MBD5: variants seen among roughly 807,000 people sequenced by gnomAD.
MBD5 encodes methyl-CpG binding domain protein 5.
MBD5 carries 13 observed loss-of-function variants against 117.3 expected under a neutral mutation model. The ratio of observed to expected loss-of-function variants is 0.11; its 90% CI spans 0.07 to 0.18. The LOEUF (loss-of-function observed/expected upper bound fraction) is 0.18, where lower values mean the gene tolerates loss of function less well. Ranked by LOEUF, MBD5 falls within the 10% of genes least tolerant of loss-of-function variation. MBD5 has a pLI of 1.00. For synonymous variants in MBD5, 727 were observed against 766.4 expected, an observed-to-expected ratio of 0.95 and a Z score of 0.85; for missense variants, 1,879 against 2,093.8, an observed-to-expected ratio of 0.90 and a Z score of 2.00.
intron 2 of MBD5, among the ~76,000 whole-genome samples, chr2:148,198,687 T>C (rs890382625): frequency 5.9e-5 from 9 of 152,066 alleles, no homozygotes; most frequent in Non-Finnish European, 1.3e-4. Flanking sequence ...AAAAAGCTTA[T>C]AAATGTTCAT....
intron 2 of MBD5, among the ~76,000 whole-genome samples, chr2:148,191,792 C>A (rs1278619354): frequency 1.8e-5 from 2 of 114,124 alleles, no homozygotes; most frequent in African/African-American, 6.9e-5. Flanking sequence ...ACACAAAAAA[C>A]CCTTCAAAAA....
chr2:148,412,488 C>A (rs894414592), intron 4 of MBD5, among the ~76,000 whole-genome samples: 7 of 151,802 alleles, frequency 4.6e-5, no homozygotes, highest in African/African-American at 1.7e-4. Context: ...TTTCTAATTC[C>A]ATGAAGACTG....
At chr2:148,338,191 T>C (rs775550963) in intron 3 of MBD5, among the ~76,000 whole-genome samples, 2 of 152,212 alleles carry the variant, frequency 1.3e-5, no homozygotes, top group African/African-American at 2.4e-5. Context: ...CCTGAGATAG[T>C]TTTAAATGTG....
intron 1 of MBD5, among the ~76,000 whole-genome samples, chr2:148,092,800 A>G (rs184463567): frequency 1.8e-3 from 177 of 97,016 alleles, no homozygotes; most frequent in African/African-American, 6.1e-3. Flanking sequence ...TGTTCCCCCA[A>G]AACTTTTGAA....
intron 5 of MBD5, 42 bp from the exon 6 acceptor site, chr2:148,462,540 G>A (rs947192228): frequency 1.6e-6 from 2 of 1,268,440 alleles, no homozygotes; most frequent in African/African-American, 1.5e-5. Context: ...AATATGTGTA[G>A]TCAAAATTAT....
chr2:148,286,667 T>C (rs566430021), intron 3 of MBD5, among the ~76,000 whole-genome samples: 1 of 152,228 alleles, frequency 6.6e-6, no homozygotes, highest in South Asian at 2.1e-4. Flanking sequence ...TCATTTAATC[T>C]GGTTGTACTC....
chr2:148,395,460 T>C (rs1372251335), intron 4 of MBD5, among the ~76,000 whole-genome samples: 3 of 146,586 alleles, frequency 2.0e-5, no homozygotes, highest in Non-Finnish European at 3.0e-5. Flanking sequence ...AGTCTCACTC[T>C]GTTGCCCAGG....
chr2:148,072,121 G>T (rs566535174), intron 1 of MBD5: 1 of 152,214 alleles, frequency 6.6e-6, no homozygotes, highest in South Asian at 2.1e-4. Context: ...ATTCTAATTT[G>T]AAGATAGGTT....
At chr2:148,390,533 A>T (rs3076535) in intron 4 of MBD5, among the ~76,000 whole-genome samples, 1 of 123,838 alleles carries the variant, frequency 8.1e-6, no homozygotes, top group Non-Finnish European at 1.7e-5. Context: ...GTGTGTGTGT[A>T]TATGTGTGTA....
rs199860775 is a variant in MBD5 at position 148,417,833 on chromosome 2, T to TTTTG, written c.-556-40350_-556-40347dup. 1.2e-3 allele frequency among the ~76,000 whole-genome samples: 185 copies of TTTTG among 151,840 alleles called. 1 individual carries two copies. The South Asian group carries it at 0.023, about 19-fold the overall frequency. On this transcript the variant is annotated intron_variant, in intron 4 of 13. Transcript: ENST00000642680. ...GTTTTTTTTTGTGCGGGGGGGTGTTTTTTGTTTGTTTGTTTGTTTGTTTTG... is the reference window on the plus strand; with the variant it reads ...GTTTTTTTTTGTGCGGGGGGGTGTTTTTTGTTTGTTTGTTTGTTTGTTTGTTTTG...
chr2:148,313,292 G>A (rs1489953183), intron 3 of MBD5, among the ~76,000 whole-genome samples: 1 of 152,174 alleles, frequency 6.6e-6, no homozygotes, highest in Non-Finnish European at 1.5e-5. Context: ...AGGGAGGTGG[G>A]AGTTCTATGT....
intron 4 of MBD5, among the ~76,000 whole-genome samples, chr2:148,385,661 G>T (rs1224575596): frequency 1.3e-5 from 2 of 151,730 alleles, no homozygotes; most frequent in Admixed American, 6.6e-5. Flanking sequence ...ACATGCACAC[G>T]TATGTTTATT....
At chr2:148,477,171 G>A (rs187592941) in intron 8 of MBD5, among the ~76,000 whole-genome samples, 4 of 152,096 alleles carry the variant, frequency 2.6e-5, no homozygotes, top group South Asian at 2.1e-4. Flanking sequence ...TCACCACCAC[G>A]AGACTGAAAA....
chr2:148,196,016 G>T (rs1183245296), intron 2 of MBD5, among the ~76,000 whole-genome samples: 1 of 152,196 alleles, frequency 6.6e-6, no homozygotes, highest in Non-Finnish European at 1.5e-5. Context: ...GGGAGATCTT[G>T]ATGATGACAG....
At chr2:148,347,835 A>G (rs961426684) in intron 4 of MBD5, among the ~76,000 whole-genome samples, 1 of 151,968 alleles carries the variant, frequency 6.6e-6, no homozygotes, top group Non-Finnish European at 1.5e-5. Context: ...AAAGGGGCCC[A>G]TGATGGCAGA....
intron 3 of MBD5, among the ~76,000 whole-genome samples, chr2:148,328,313 C>G (rs924943697): frequency 6.6e-6 from 1 of 152,086 alleles, no homozygotes; most frequent in African/African-American, 2.4e-5. Flanking sequence ...TGCCGTGCCC[C>G]CAGAGGTGGA....
At chr2:148,226,626 C>T (rs1699828537) in intron 2 of MBD5, among the ~76,000 whole-genome samples, 1 of 152,004 alleles carries the variant, frequency 6.6e-6, no homozygotes, top group Non-Finnish European at 1.5e-5. Context: ...GGGTATATAC[C>T]CAGTAATGGG....
chr2:148,135,997 G>A (rs1236554515), intron 1 of MBD5, among the ~76,000 whole-genome samples: 1 of 152,146 alleles, frequency 6.6e-6, no homozygotes, highest in African/African-American at 2.4e-5. Flanking sequence ...CTGGTTATCT[G>A]ATGCTTCCTT....
At position 148,021,498 on chromosome 2, in the gene MBD5, A is replaced by ACTG. The variant is rs1362951810; in HGVS notation, c.-1099_-1097dup. On this transcript the variant is annotated 5_prime_UTR_variant, in exon 1 of 14. Coordinates refer to ENST00000642680, the MANE Select transcript of MBD5 (RefSeq NM_001378120.1). ...TGCTGCTGTTGCTGCTGCTGCTGCT[A>ACTG]CTGCTGCTGCTGCTACTGCTGCTGC... 10 of 570,496 alleles carry ACTG rather than the reference A, an allele frequency of 1.8e-5. No homozygotes were observed. Among genetic ancestry groups the ACTG allele is most frequent in the East Asian group, 4.6e-5 (1 of 21,764 alleles). The allele number at this position is 570,496 out of a possible 1,614,324, so 35.3% of individuals were successfully genotyped here.
Sources: allele counts gnomAD v4.1 joint callset (sites outside exome capture counted in the v4.1 genomes callset), GRCh38; gene constraint gnomAD v4.1.1; transcripts MANE v1.5; gene names NCBI Gene and HGNC (gene_info 2026-07-23, HGNC 2026-07-21).